Variants in BIRC6 observed in about 807,000 individuals in gnomAD.
The protein encoded by BIRC6 is dual E2 ubiquitin-conjugating enzyme/E3 ubiquitin-protein ligase BIRC6.
BIRC6 carries 98 observed loss-of-function variants against 503.3 expected under a neutral mutation model. The observed-to-expected ratio is 0.19, with a 90% CI of 0.17 to 0.23. The LOEUF (loss-of-function observed/expected upper bound fraction) is 0.23, where lower values mean the gene tolerates loss of function less well. Ranked by LOEUF, BIRC6 falls within the 10% of genes least tolerant of loss-of-function variation. BIRC6 has a pLI of 1.00. For synonymous variants in BIRC6, 2,240 were observed against 2,078.7 expected (o/e 1.08, Z -2.11); for missense variants, 5,360 against 5,806.0 (o/e 0.92, Z 2.50).
chr2:32,587,771 A>T (rs1324953150), intron 66 of BIRC6, among the ~76,000 whole-genome samples: 2 of 152,210 alleles, frequency 1.3e-5, no homozygotes, highest in Non-Finnish European at 2.9e-5. Context: ...TAATTTAAAA[A>T]ATACATAGAA....
At chr2:32,362,615 G>A (rs997838149) in intron 1 of BIRC6, among the ~76,000 whole-genome samples, 17 of 151,886 alleles carry the variant, frequency 1.1e-4, no homozygotes, top group African/African-American at 4.1e-4. Flanking sequence ...ACCTCACCCA[G>A]CCTGACTTTG....
chr2:32,541,042 T>C (rs2057624676), intron 61 of BIRC6, among the ~76,000 whole-genome samples: 1 of 152,084 alleles, frequency 6.6e-6, no homozygotes, highest in African/African-American at 2.4e-5. Flanking sequence ...AGCTCTTTGA[T>C]TTTGCTGTCT....
In BIRC6 at chr2:32,493,496, T is replaced by A. The variant is rs1244473706; in HGVS notation, c.8341-44T>A. 13 of 1,517,820 alleles carry A rather than the reference T, an allele frequency of 8.6e-6. No individual in the cohort carries two copies. In the Admixed American group the frequency reaches 1.8e-4, roughly 21 times the overall value. 94.0% of individuals were successfully genotyped at this position (1,517,820 alleles called of 1,614,324 possible). A position where few individuals can be genotyped will look rare whatever the true frequency, so the allele number is the denominator to read the frequency against. ...ATTTTTAAATGAATGATTTTTTACA[T>A]GTTACCAGTAAGCAGTTTTCAGTGA... On this transcript the variant is annotated intron_variant, in intron 44 of 73. Transcript: ENST00000421745.
chr2:32,411,437 T>TA lies in BIRC6; in HGVS notation c.1478-3332_1478-3331insA, dbSNP rs1191386551. On this transcript the variant is annotated intron_variant, in intron 9 of 73. Coordinates refer to ENST00000421745, the MANE Select transcript of BIRC6 (RefSeq NM_016252.4). Reference sequence around the variant, plus strand: ...TATATATTTTATTTTTTTATTTTTTTTTTTTAAATTTTCTATTTTTTGTAT... The same window carrying TA: ...TATATATTTTATTTTTTTATTTTTTTATTTTTAAATTTTCTATTTTTTGTAT... 4.5e-4 allele frequency among the ~76,000 whole-genome samples: 67 copies of TA among 149,506 alleles called. 1 individual carries two copies. Among genetic ancestry groups the TA allele is most frequent in the Admixed American group, 4.1e-3 (62 of 15,012 alleles).
intron 20 of BIRC6, among the ~76,000 whole-genome samples, chr2:32,444,424 T>A (rs1199299600): frequency 1.3e-5 from 2 of 152,224 alleles, no homozygotes; most frequent in East Asian, 3.8e-4. Flanking sequence ...AAGTAGGAAT[T>A]CATAAAGCAG....
rs972531329 is a variant in BIRC6, at chr2:32,518,407, T to A, written c.11493+10T>A. 3 of 1,600,440 alleles carry A rather than the reference T, an allele frequency of 1.9e-6. No homozygotes were observed. The Admixed American group carries it at 5.4e-5, about 29-fold the overall frequency. On this transcript the variant is annotated intron_variant, in intron 56 of 73. Transcript: ENST00000421745. ...TCAGTCTCCATGTCCAGTGAGTATT[T>A]AACACTTAATCATTGGCTGTGTATA...
intron 31 of BIRC6, 74 bp from the exon 32 acceptor site, chr2:32,470,940 A>G: frequency 7.0e-7 from 1 of 1,428,270 alleles, no homozygotes; most frequent in Non-Finnish European, 9.5e-7. Flanking sequence ...GTTTTGTTTC[A>G]CTTATATTAT....
Position 32,512,784 on chromosome 2 carries a change from T to G in BIRC6, c.10347-149T>G, listed in dbSNP as rs920780030. Reference sequence around the variant, plus strand: ...GTCTTTGTTGCCGAGAGATTTCCTTTTTTTCCTATTTTAGATTAAAATAAT... The same window carrying G: ...GTCTTTGTTGCCGAGAGATTTCCTTGTTTTCCTATTTTAGATTAAAATAAT... On this transcript the variant is annotated intron_variant, in intron 53 of 73. Coordinates refer to ENST00000421745, the MANE Select transcript of BIRC6 (RefSeq NM_016252.4). 3 of 645,688 alleles carry G rather than the reference T, an allele frequency of 4.6e-6. No individual in the cohort carries two copies. The African/African-American group carries it at 5.5e-5, about 12-fold the overall frequency. The allele number at this position is 645,688 out of a possible 1,614,324, so 40.0% of individuals were successfully genotyped here. A position where few individuals can be genotyped will look rare whatever the true frequency, so the allele number is the denominator to read the frequency against.
intron 39 of BIRC6, among the ~76,000 whole-genome samples, chr2:32,483,593 G>A (rs1370780720): frequency 6.6e-6 from 1 of 152,128 alleles, no homozygotes; most frequent in African/African-American, 2.4e-5. Flanking sequence ...AAGAGCCCAG[G>A]GAAAATAATG....
chr2:32,374,843 G>A lies in BIRC6; in HGVS notation c.326-2745G>A, dbSNP rs534313037. ...CTGGTCTCAAACTCCTGGCTCAAGC[G>A]ATCCTTCCGTGTAGGCCTCCCTAAG... is the stretch of plus-strand genomic sequence containing the variant. On this transcript the variant is annotated intron_variant, in intron 1 of 73. Transcript: ENST00000421745. Among the ~76,000 whole-genome samples, 52 of 152,180 alleles carry A rather than the reference G, an allele frequency of 3.4e-4. No individual in the cohort carries two copies. The East Asian group carries it at 7.5e-3, about 22-fold the overall frequency.
intron 23 of BIRC6, among the ~76,000 whole-genome samples, chr2:32,459,781 A>AT (rs917075616): frequency 5.5e-4 from 79 of 144,342 alleles, no homozygotes; most frequent in African/African-American, 1.2e-3. Context: ...ATAGTTTTAC[A>AT]TTTTTTTTTT....
rs1459565885 is a variant in BIRC6 at position 32,388,235 on chromosome 2, G to A, written c.646-515G>A. Among the ~76,000 whole-genome samples the A allele has an allele frequency of 7.2e-5, 11 of 151,930 alleles. 1 individual carries two copies. The highest frequency in any genetic ancestry group is 7.2e-4 in the Admixed American group (11 of 15,250). Reference sequence around the variant, plus strand: ...CTGTACTAAAAATACAAAAAAATTAGCCAGGGATGGTGGCGCATGCCTGTA... The same window carrying A: ...CTGTACTAAAAATACAAAAAAATTAACCAGGGATGGTGGCGCATGCCTGTA... On this transcript the variant is annotated intron_variant, in intron 3 of 73. Transcript: ENST00000421745.
chr2:32,486,991 G>A (rs541388136), intron 40 of BIRC6, among the ~76,000 whole-genome samples: 6 of 150,538 alleles, frequency 4.0e-5, no homozygotes, highest in East Asian at 3.9e-4. Context: ...ATATCTTTTC[G>A]TAATTCTGAA....
At chr2:32,542,124 A>G (rs956097994) in intron 61 of BIRC6, among the ~76,000 whole-genome samples, 5 of 151,914 alleles carry the variant, frequency 3.3e-5, no homozygotes, top group African/African-American at 4.8e-5. Context: ...GTCTATATAT[A>G]TATATATATT....
At chr2:32,522,652 A>G (rs1030798645) in intron 57 of BIRC6, 1 of 152,158 alleles carries the variant, frequency 6.6e-6, no homozygotes, top group African/African-American at 2.4e-5. Context: ...TGACCCCACT[A>G]TTAAGGCTCT....
chr2:32,598,071 A>G, intron 69 of BIRC6, 103 bp downstream of exon 69: 1 of 1,114,638 alleles, frequency 9.0e-7, no homozygotes, highest in Non-Finnish European at 1.2e-6. Flanking sequence ...TAAATTATAC[A>G]AAACACTAGA....
At chr2:32,477,733 TACAA>T in intron 35 of BIRC6, 150 bp downstream of exon 35, 2 of 118,190 alleles carry the variant, frequency 1.7e-5, no homozygotes, top group Non-Finnish European at 2.8e-5. Context: ...ACCCCGTCTC[TACAA>T]AAAAAAAAAA....
chr2:32,376,780 A>C (rs2036849087), intron 1 of BIRC6, among the ~76,000 whole-genome samples: 1 of 152,264 alleles, frequency 6.6e-6, no homozygotes, highest in African/African-American at 2.4e-5. Flanking sequence ...ATGTAGGCAT[A>C]GTGACAGATT....
At chr2:32,539,614 G>T (rs1257049716) in intron 61 of BIRC6, among the ~76,000 whole-genome samples, 1 of 152,110 alleles carries the variant, frequency 6.6e-6, no homozygotes, top group Non-Finnish European at 1.5e-5. Flanking sequence ...GATACTACAA[G>T]ATATTTCAAA....
Sources: gnomAD v4.1 joint callset for allele counts (sites outside exome capture counted in the v4.1 genomes callset) on GRCh38, gnomAD v4.1.1 for gene constraint, MANE v1.5 for transcripts, NCBI Gene and HGNC (gene_info 2026-07-23, HGNC 2026-07-21) for gene names.